EXOC6B: variants seen among roughly 807,000 people sequenced by gnomAD.
EXOC6B encodes exocyst complex component 6B.
EXOC6B carries 54 observed loss-of-function variants against 113.5 expected under a neutral mutation model. The ratio of observed to expected loss-of-function variants is 0.48; its 90% CI spans 0.38 to 0.60. The LOEUF (loss-of-function observed/expected upper bound fraction) is 0.60. Ranked by LOEUF, EXOC6B falls within the 20% of genes least tolerant of loss-of-function variation. EXOC6B has a pLI of 0.00. For synonymous variants in EXOC6B, 357 were observed against 339.0 expected, an observed-to-expected ratio of 1.05 and a Z score of -0.58; for missense variants, 797 against 977.5, an observed-to-expected ratio of 0.82 and a Z score of 2.46.
At chr2:72,208,846 T>C (rs1193772471) in intron 20 of EXOC6B, among the ~76,000 whole-genome samples, 1 of 152,194 alleles carries the variant, frequency 6.6e-6, no homozygotes, top group Admixed American at 6.5e-5. Context: ...CAGCTTTTTC[T>C]CTCTACTTTC....
chr2:72,437,970 A>G (rs1055922368), intron 18 of EXOC6B, among the ~76,000 whole-genome samples: 1 of 152,074 alleles, frequency 6.6e-6, no homozygotes, highest in African/African-American at 2.4e-5. Context: ...CAATACTTCA[A>G]ATCATGTCAC....
intron 8 of EXOC6B, among the ~76,000 whole-genome samples, chr2:72,533,734 GCT>G (rs1456351378): frequency 6.6e-6 from 1 of 152,078 alleles, no homozygotes; most frequent in East Asian, 1.9e-4. Context: ...TGTATAAACA[GCT>G]CTTTCTCCTC....
At position 72,741,420 on chromosome 2, in the gene EXOC6B, T is replaced by A; in HGVS notation, c.163A>T (p.Thr55Ser). ...TCTCGGTCGTGATTACGGATACGAG[T>A]TTCAAGCTTCTCCATGAAACGTCCA... ...EHGRFMEKLETRIRNHDREIE... is the reference protein window; with the variant it reads ...EHGRFMEKLESRIRNHDREIE... Residue 55 changes from threonine (T) to serine (S), a missense_variant, in exon 2 of 22, where the codon ACT becomes TCT. By Grantham distance (58) the Thr-to-Ser change is moderately conservative. Transcript: ENST00000272427. The A allele has an allele frequency of 6.2e-7, 1 of 1,613,220 alleles. No individual in the cohort carries two copies. Among genetic ancestry groups the A allele is most frequent in the Middle Eastern group, 1.7e-4 (1 of 6,060 alleles).
intron 6 of EXOC6B, among the ~76,000 whole-genome samples, chr2:72,666,934 C>T (rs900423587): frequency 1.3e-5 from 2 of 152,052 alleles, no homozygotes; most frequent in Non-Finnish European, 2.9e-5. Flanking sequence ...GCCATCTCAG[C>T]TCACTGCAAC....
intron 20 of EXOC6B, among the ~76,000 whole-genome samples, chr2:72,200,553 G>A (rs1679429185): frequency 6.6e-6 from 1 of 152,046 alleles, no homozygotes; most frequent in South Asian, 2.1e-4. Flanking sequence ...AGCAGAAATG[G>A]GACTGATAAA....
intron 6 of EXOC6B, among the ~76,000 whole-genome samples, chr2:72,683,118 T>C (rs1322426010): frequency 6.6e-6 from 1 of 152,196 alleles, no homozygotes; most frequent in East Asian, 1.9e-4. Context: ...CAAACTACCA[T>C]GTACTCCCTG....
At chr2:72,265,712 A>G (rs1255493543) in intron 20 of EXOC6B, among the ~76,000 whole-genome samples, 36 of 151,852 alleles carry the variant, frequency 2.4e-4, no homozygotes, top group Non-Finnish European at 1.5e-5. Flanking sequence ...CGCAATAAAC[A>G]TATGTGTGCA....
At chr2:72,262,808 T>G (rs1474617579) in intron 20 of EXOC6B, among the ~76,000 whole-genome samples, 1 of 152,174 alleles carries the variant, frequency 6.6e-6, no homozygotes, top group African/African-American at 2.4e-5. Context: ...TAATTCAATA[T>G]ATACTTACTG....
At position 72,777,943 on chromosome 2, in the gene EXOC6B, A is replaced by C. The variant is rs561941629; in HGVS notation, c.114-36474T>G. 6.6e-3 allele frequency among the ~76,000 whole-genome samples: 1,000 copies of C among 152,334 alleles called. 4 individuals carry two copies. The highest frequency in any genetic ancestry group is 0.01 in the Non-Finnish European group (703 of 68,014). ...ACAAAGAAAATAAGTTAAAATTTAT[A>C]GTTTATAAATGAATGAATCAAATTG... On this transcript the variant is annotated intron_variant, in intron 1 of 21. Coordinates refer to ENST00000272427, the MANE Select transcript of EXOC6B (RefSeq NM_015189.3).
In EXOC6B at chr2:72,654,195, C is replaced by A. The variant is rs1216403101; in HGVS notation, c.669+63908G>T. On this transcript the variant is annotated intron_variant, in intron 6 of 21. Coordinates refer to ENST00000272427, the MANE Select transcript of EXOC6B (RefSeq NM_015189.3). ...CCGTGTTAGCCAGGATGGTCTCGAT[C>A]TCCTGACCTTGTGATCCACCTGCCT... 3.9e-5 allele frequency among the ~76,000 whole-genome samples: 6 copies of A among 152,310 alleles called. No homozygotes were observed. In the South Asian group the frequency reaches 6.2e-4, roughly 16 times the overall value.
intron 20 of EXOC6B, among the ~76,000 whole-genome samples, chr2:72,334,056 C>T (rs1321854227): frequency 6.6e-6 from 1 of 151,750 alleles, no homozygotes; most frequent in Non-Finnish European, 1.5e-5. Context: ...ACAAAGCCAG[C>T]CCCCTTTTTT....
At chr2:72,757,695 A>G (rs1682504129) in intron 1 of EXOC6B, among the ~76,000 whole-genome samples, 1 of 152,112 alleles carries the variant, frequency 6.6e-6, no homozygotes, top group South Asian at 2.1e-4. Context: ...TAGACAGCCT[A>G]TCTCTCTGAG....
At chr2:72,420,672 T>C (rs1694819889) in intron 18 of EXOC6B, among the ~76,000 whole-genome samples, 1 of 152,210 alleles carries the variant, frequency 6.6e-6, no homozygotes. Flanking sequence ...GCCTTTCCTA[T>C]TGTGAACACT....
intron 6 of EXOC6B, among the ~76,000 whole-genome samples, chr2:72,653,106 T>C (rs913055086): frequency 1.4e-4 from 21 of 152,038 alleles, no homozygotes; most frequent in African/African-American, 3.9e-4. Flanking sequence ...CACATGCACA[T>C]GTATGTTTAT....
chr2:72,282,986 C>T (rs1685220538), intron 20 of EXOC6B, among the ~76,000 whole-genome samples: 1 of 152,040 alleles, frequency 6.6e-6, no homozygotes, highest in Non-Finnish European at 1.5e-5. Context: ...TGATAACTGA[C>T]AAAACAATTA....
intron 19 of EXOC6B, among the ~76,000 whole-genome samples, chr2:72,352,233 T>G (rs1572955298): frequency 6.6e-6 from 1 of 152,076 alleles, no homozygotes; most frequent in Non-Finnish European, 1.5e-5. Flanking sequence ...CAAATGTACA[T>G]TATCCCACTA....
intron 18 of EXOC6B, among the ~76,000 whole-genome samples, chr2:72,401,607 A>G (rs1331558404): frequency 0.069 from 1,618 of 23,504 alleles, 179 homozygotes; most frequent in Non-Finnish European, 0.085. Context: ...ATATATGTGT[A>G]TATATATATA....
intron 18 of EXOC6B, among the ~76,000 whole-genome samples, chr2:72,401,961 T>G (rs1001105818): frequency 1.3e-5 from 2 of 151,670 alleles, no homozygotes; most frequent in African/African-American, 2.4e-5. Flanking sequence ...ACATAAGATT[T>G]TTTTTAAAAT....
chr2:72,685,495 C>T (rs549733291), intron 6 of EXOC6B, among the ~76,000 whole-genome samples: 1 of 152,210 alleles, frequency 6.6e-6, no homozygotes, highest in Admixed American at 6.5e-5. Flanking sequence ...ATCAGAGTGA[C>T]TACACTTCTA....
Sources: gnomAD v4.1 joint callset for allele counts (sites outside exome capture counted in the v4.1 genomes callset) on GRCh38, gnomAD v4.1.1 for gene constraint, MANE v1.5 for transcripts, NCBI Gene and HGNC (gene_info 2026-07-23, HGNC 2026-07-21) for gene names.